Variants in FOXK2 observed in about 807,000 individuals in gnomAD.
FOXK2 encodes the protein forkhead box K2, also known as forkhead box protein K2.
A neutral mutation model predicts 53.3 loss-of-function variants in FOXK2; 24 were observed. The ratio of observed to expected loss-of-function variants is 0.45; its 90% CI spans 0.33 to 0.63. The LOEUF is 0.63. FOXK2 is among the 30% of genes least tolerant of loss of function. FOXK2 has a pLI of 0.03. For synonymous variants in FOXK2, 505 were observed against 407.1 expected (o/e 1.24, Z -2.89); for missense variants, 952 against 910.5 (o/e 1.05, Z -0.59).
chr17:82,589,312 C>G (rs922484945), intron 8 of FOXK2, among the ~76,000 whole-genome samples: 2 of 152,214 alleles, frequency 1.3e-5, no homozygotes, highest in Non-Finnish European at 2.9e-5. Flanking sequence ...CTTTCCATCT[C>G]ACATTCCCTA....
At chr17:82,563,581 C>T in intron 2 of FOXK2, 33 bp downstream of exon 2, 2 of 1,577,846 alleles carry the variant, frequency 1.3e-6, no homozygotes, top group Non-Finnish European at 1.7e-6. Context: ...CTGGAGCATC[C>T]TTAGTCCCAG....
At chr17:82,597,522 C>T (rs1186789914) in intron 8 of FOXK2, among the ~76,000 whole-genome samples, 1 of 152,238 alleles carries the variant, frequency 6.6e-6, no homozygotes. Flanking sequence ...CAGGGCCGGG[C>T]GTGTTAGCAC....
intron 1 of FOXK2, among the ~76,000 whole-genome samples, chr17:82,537,071 T>A (rs1421878534): frequency 6.6e-6 from 1 of 152,064 alleles, no homozygotes; most frequent in Non-Finnish European, 1.5e-5. Context: ...ATATAAAGCT[T>A]AGCGGTTGGT....
chr17:82,546,982 T>C (rs961473317), intron 1 of FOXK2, among the ~76,000 whole-genome samples: 30 of 148,186 alleles, frequency 2.0e-4, no homozygotes, highest in African/African-American at 7.2e-4. Flanking sequence ...GAGGCTGAGG[T>C]GGGAGAATCA....
chr17:82,583,761 C>G (rs953338355), intron 5 of FOXK2, among the ~76,000 whole-genome samples: 1 of 152,228 alleles, frequency 6.6e-6, no homozygotes, highest in Non-Finnish European at 1.5e-5. Flanking sequence ...GCAGCTGGCT[C>G]CGCCCCACAG....
chr17:82,579,610 A>G (rs1331914237), intron 4 of FOXK2, among the ~76,000 whole-genome samples: 4 of 48,574 alleles, frequency 8.2e-5, no homozygotes, highest in African/African-American at 4.0e-4. Context: ...CATGTCACCC[A>G]TGAAGTAGCT....
chr17:82,563,417 G>A lies in FOXK2; in HGVS notation c.483G>A (p.Lys161=). The change falls in exon 2 of 9, where the codon AAG becomes AAA. Residue 161 remains lysine, a synonymous_variant. Coordinates refer to ENST00000335255, the MANE Select transcript of FOXK2 (RefSeq NM_004514.4). The part of the protein sequence containing the change: ...KITFTALSSE[K]REKQEASESP... ...CGTTCACTGCCCTGTCCAGCGAGAA[G>A]AGAGAGAAGCAGGAGGCGTCTGAGT... 6.2e-7 allele frequency: 1 copy of A among 1,614,158 alleles called. No individual in the cohort carries two copies. Among genetic ancestry groups the A allele is most frequent in the Non-Finnish European group, 8.5e-7 (1 of 1,180,026 alleles).
chr17:82,528,161 C>T (rs2144045694), intron 1 of FOXK2, among the ~76,000 whole-genome samples: 1 of 152,146 alleles, frequency 6.6e-6, no homozygotes, highest in African/African-American at 2.4e-5. Context: ...GGCGTGGCTC[C>T]CCCATTTACT....
At chr17:82,580,349 C>T (rs1449118514) in intron 4 of FOXK2, among the ~76,000 whole-genome samples, 2 of 77,174 alleles carry the variant, frequency 2.6e-5, no homozygotes, top group African/African-American at 1.2e-4. Context: ...CCCTCCCACA[C>T]ATGGCCCAGC....
chr17:82,543,257 G>A (rs926668434), intron 1 of FOXK2, among the ~76,000 whole-genome samples: 4 of 152,196 alleles, frequency 2.6e-5, no homozygotes, highest in Admixed American at 2.0e-4. Context: ...TTATTGTGTT[G>A]TGTTGTTTTA....
chr17:82,601,869 C>T lies in FOXK2; in HGVS notation c.*370C>T, dbSNP rs112887170. 4.1e-3 allele frequency: 795 copies of T among 193,136 alleles called. 4 individuals are homozygous for T. The highest frequency in any genetic ancestry group is 0.016 in the African/African-American group (710 of 43,458). The allele number at this position is 193,136 out of a possible 1,614,324, so 12.0% of individuals were successfully genotyped here. A position where few individuals can be genotyped will look rare whatever the true frequency, so the allele number is the denominator to read the frequency against. ...CTCAGGACGCGGGGGGAGCCATCCCCGCCGCCCTCACAGGACCCACCAGGC... is the reference window on the plus strand; with the variant it reads ...CTCAGGACGCGGGGGGAGCCATCCCTGCCGCCCTCACAGGACCCACCAGGC... On this transcript the variant is annotated 3_prime_UTR_variant, in exon 9 of 9. Transcript: ENST00000335255.
rs193197883 is a variant in FOXK2, at chr17:82,555,452, A to T, written c.420-7902A>T. 3.0e-4 allele frequency among the ~76,000 whole-genome samples: 46 copies of T among 152,324 alleles called. 1 individual carries two copies. Among genetic ancestry groups the T allele is most frequent in the Middle Eastern group, 3.4e-3 (1 of 294 alleles). Reference sequence around the variant, plus strand: ...TTAATTTCTAGTTTTGAAAAGGGGAACAAGGATTTCCAAGGTAACTGAACT... The same window carrying T: ...TTAATTTCTAGTTTTGAAAAGGGGATCAAGGATTTCCAAGGTAACTGAACT... On this transcript the variant is annotated intron_variant, in intron 1 of 8. Transcript: ENST00000335255.
intron 8 of FOXK2, chr17:82,596,073 T>A: frequency 9.0e-7 from 1 of 1,105,100 alleles, no homozygotes; most frequent in Non-Finnish European, 1.1e-6. Context: ...GTCTGCACAT[T>A]TTTTGTAGAC....
intron 1 of FOXK2, among the ~76,000 whole-genome samples, chr17:82,526,070 G>C (rs11077998): frequency 0.43 from 65,642 of 151,898 alleles, 14,395 homozygotes; most frequent in South Asian, 0.55. Flanking sequence ...GGTAATGTCA[G>C]ATTTGAAGAC....
intron 1 of FOXK2, among the ~76,000 whole-genome samples, chr17:82,533,488 T>C (rs1023251199): frequency 1.4e-5 from 2 of 139,474 alleles, no homozygotes; most frequent in Admixed American, 1.5e-4. Context: ...AGACTTTGTC[T>C]CAAAAAAAAA....
At chr17:82,566,708 A>C (rs536559104) in intron 2 of FOXK2, among the ~76,000 whole-genome samples, 1 of 151,362 alleles carries the variant, frequency 6.6e-6, no homozygotes, top group Non-Finnish European at 1.5e-5. Flanking sequence ...TCGGCTCCCA[A>C]CTCCGCCTCT....
Position 82,564,356 on chromosome 17 carries a change from C to T in FOXK2, c.614+808C>T, listed in dbSNP as rs1480584768. 4.0e-5 allele frequency among the ~76,000 whole-genome samples: 6 copies of T among 151,862 alleles called. No individual in the cohort carries two copies. In the East Asian group the frequency reaches 5.8e-4, roughly 15 times the overall value. On this transcript the variant is annotated intron_variant, in intron 2 of 8. Coordinates refer to ENST00000335255, the MANE Select transcript of FOXK2 (RefSeq NM_004514.4). The stretch of plus-strand genomic sequence containing the variant: ...CCTCCCAAAGTGCTGGGATTACAGG[C>T]GTGAGCTACCACAGCTGGCTGGTTT...
intron 1 of FOXK2, among the ~76,000 whole-genome samples, chr17:82,523,841 T>A (rs1431176146): frequency 6.6e-6 from 1 of 152,140 alleles, no homozygotes; most frequent in Non-Finnish European, 1.5e-5. Context: ...CTTTTTAAGT[T>A]TAAAAATCAA....
intron 7 of FOXK2, among the ~76,000 whole-genome samples, 177 bp from the exon 8 acceptor site, chr17:82,586,886 C>G (rs1038398754): frequency 6.6e-6 from 1 of 151,878 alleles, no homozygotes; most frequent in African/African-American, 2.4e-5. Flanking sequence ...GGGTAACGAG[C>G]GAAACTCCAT....
Sources: gnomAD v4.1 joint callset for allele counts (sites outside exome capture counted in the v4.1 genomes callset) on GRCh38, gnomAD v4.1.1 for gene constraint, MANE v1.5 for transcripts, NCBI Gene and HGNC (gene_info 2026-07-23, HGNC 2026-07-21) for gene names.